BCAR3: variants seen among roughly 807,000 people sequenced by gnomAD.
The protein encoded by BCAR3 is breast cancer anti-estrogen resistance protein 3.
In BCAR3, 37 loss-of-function variants were observed where a neutral mutation model predicts 80.1. The ratio of observed to expected loss-of-function variants is 0.46; its 90% CI spans 0.36 to 0.61. The LOEUF (loss-of-function observed/expected upper bound fraction) is 0.61. BCAR3 is among the 20% of genes least tolerant of loss of function. The pLI, the probability that BCAR3 is intolerant of heterozygous loss-of-function variation, is 0.00. For missense variants in BCAR3, 978 were observed against 1,068.2 expected (o/e 0.92, Z 1.18); for synonymous variants, 389 against 418.9 (o/e 0.93, Z 0.87).
intron 9 of BCAR3, among the ~76,000 whole-genome samples, chr1:93,569,262 A>G (rs961867730): frequency 2.0e-5 from 3 of 152,258 alleles, no homozygotes; most frequent in African/African-American, 7.2e-5. Context: ...TTTACAGATG[A>G]GAAAACAGAA....
At chr1:93,626,313 G>A (rs540449986) in intron 3 of BCAR3, among the ~76,000 whole-genome samples, 20 of 152,284 alleles carry the variant, frequency 1.3e-4, no homozygotes, top group African/African-American at 4.8e-4. Context: ...GAGCTTAAAA[G>A]TAAACTTTGC....
At chr1:93,729,498 T>C (rs1650709370) in intron 2 of BCAR3, among the ~76,000 whole-genome samples, 1 of 152,208 alleles carries the variant, frequency 6.6e-6, no homozygotes, top group African/African-American at 2.4e-5. Flanking sequence ...AACCATCATA[T>C]GTTGGGGACC....
chr1:93,696,659 C>T (rs1355148000), intron 3 of BCAR3, among the ~76,000 whole-genome samples: 1 of 152,158 alleles, frequency 6.6e-6, no homozygotes, highest in Non-Finnish European at 1.5e-5. Flanking sequence ...CACTTAAAGC[C>T]CTTCAAGAGC....
At chr1:93,762,706 C>T (rs941486195) in intron 2 of BCAR3, among the ~76,000 whole-genome samples, 2 of 152,194 alleles carry the variant, frequency 1.3e-5, no homozygotes, top group Admixed American at 6.5e-5. Flanking sequence ...GTTCTCCTCC[C>T]ATATTGCTTC....
intron 11 of BCAR3, among the ~76,000 whole-genome samples, chr1:93,564,893 G>A (rs369137153): frequency 2.4e-4 from 36 of 152,100 alleles, no homozygotes; most frequent in African/African-American, 8.5e-4. Context: ...AGATGTTCAG[G>A]CAACTCTTTT....
At chr1:93,811,491 C>T (rs1403878152) in intron 2 of BCAR3, among the ~76,000 whole-genome samples, 1 of 152,226 alleles carries the variant, frequency 6.6e-6, no homozygotes, top group East Asian at 1.9e-4. Context: ...TAAGTGCAAA[C>T]ACCGGGTCTC....
At chr1:93,630,461 TA>T (rs770124680) in intron 3 of BCAR3, among the ~76,000 whole-genome samples, 577 of 137,482 alleles carry the variant, frequency 4.2e-3, no homozygotes, top group Admixed American at 4.0e-3. Context: ...ACCAGGTCTC[TA>T]AAAAAAAAAA....
In BCAR3 at chr1:93,707,663, C is replaced by T. The variant is rs139444664; in HGVS notation, c.-62-1521G>A. Reference sequence around the variant, plus strand: ...CAGAGGTTGCAGTGAGCTGAGATCGCACCACTGCACTCCAGTCTGGGTGAT... The same window carrying T: ...CAGAGGTTGCAGTGAGCTGAGATCGTACCACTGCACTCCAGTCTGGGTGAT... On this transcript the variant is annotated intron_variant, in intron 2 of 13. Coordinates refer to the BCAR3 transcript ENST00000370244. Among the ~76,000 whole-genome samples the T allele has an allele frequency of 2.1e-3, 320 of 152,226 alleles. 2 individuals are homozygous for T. Among genetic ancestry groups the T allele is most frequent in the African/African-American group, 7.1e-3 (294 of 41,528 alleles).
chr1:93,705,355 T>C (rs1463827234), intron 3 of BCAR3, among the ~76,000 whole-genome samples: 1 of 152,044 alleles, frequency 6.6e-6, no homozygotes, highest in Non-Finnish European at 1.5e-5. Context: ...AATGCGGAAA[T>C]AAAGGAAAAC....
chr1:93,643,081 G>A (rs1004253336), intron 2 of BCAR3, among the ~76,000 whole-genome samples: 6 of 151,204 alleles, frequency 4.0e-5, no homozygotes, highest in African/African-American at 1.5e-4. Context: ...TACAAAATTA[G>A]CTGGGTGTGG....
At chr1:93,714,427 T>C (rs11164966) in intron 2 of BCAR3, among the ~76,000 whole-genome samples, 60,877 of 152,018 alleles carry the variant, frequency 0.4, 13,555 homozygotes, top group Non-Finnish European at 0.51. Flanking sequence ...GCCTGGCACA[T>C]AGTGGGAGTT....
At chr1:93,741,973 G>A (rs1651197244) in intron 2 of BCAR3, among the ~76,000 whole-genome samples, 2 of 152,234 alleles carry the variant, frequency 1.3e-5, no homozygotes, top group Admixed American at 1.3e-4. Context: ...ATCTAACCCA[G>A]ATGGTAAGTG....
intron 2 of BCAR3, among the ~76,000 whole-genome samples, chr1:93,839,953 T>G (rs1654899109): frequency 6.6e-6 from 1 of 152,200 alleles, no homozygotes; most frequent in South Asian, 2.1e-4. Context: ...GCATTTCTAA[T>G]CTGCTCCCAG....
chr1:93,619,710 C>T (rs1174663181), intron 3 of BCAR3, among the ~76,000 whole-genome samples: 5 of 152,346 alleles, frequency 3.3e-5, no homozygotes. Flanking sequence ...GCCTTACCAG[C>T]CAGGAACAGC....
chr1:93,833,877 T>G (rs1368338513), intron 2 of BCAR3, among the ~76,000 whole-genome samples: 1 of 152,172 alleles, frequency 6.6e-6, no homozygotes, highest in Non-Finnish European at 1.5e-5. Flanking sequence ...ATTAAGAGAT[T>G]AAAAGAAAGA....
At chr1:93,623,584 G>A (rs1262704425) in intron 3 of BCAR3, among the ~76,000 whole-genome samples, 1 of 152,146 alleles carries the variant, frequency 6.6e-6, no homozygotes, top group East Asian at 1.9e-4. Flanking sequence ...AGAAGCTGAT[G>A]GAAGAGAATG....
chr1:93,697,201 G>A (rs1167797677), intron 3 of BCAR3, among the ~76,000 whole-genome samples: 1 of 152,240 alleles, frequency 6.6e-6, no homozygotes, highest in Non-Finnish European at 1.5e-5. Context: ...TATTCTGGCA[G>A]GGATGTGCAT....
intron 3 of BCAR3, chr1:93,605,391 C>CT (rs1378332471): frequency 1.3e-5 from 2 of 152,256 alleles, no homozygotes; most frequent in Admixed American, 1.3e-4. Context: ...AATAATATCT[C>CT]TCTTGCTTTC....
chr1:93,761,538 C>T (rs973655797), intron 2 of BCAR3, among the ~76,000 whole-genome samples: 1 of 152,172 alleles, frequency 6.6e-6, no homozygotes, highest in Admixed American at 6.5e-5. Context: ...TTTGTTTTCA[C>T]CATGAGAGCA....
Sources: allele counts gnomAD v4.1 joint callset (sites outside exome capture counted in the v4.1 genomes callset), GRCh38; gene constraint gnomAD v4.1.1; transcripts MANE v1.5; gene names NCBI Gene and HGNC (gene_info 2026-07-23, HGNC 2026-07-21).